ATR: variants seen among roughly 807,000 people sequenced by gnomAD.
The protein encoded by ATR is ATR checkpoint kinase, also known as serine/threonine-protein kinase ATR.
A neutral mutation model predicts 305.3 loss-of-function variants in ATR; 142 were observed. The ratio of observed to expected loss-of-function variants is 0.47; its 90% confidence interval spans 0.41 to 0.53. The LOEUF (loss-of-function observed/expected upper bound fraction) is 0.53, where lower values mean the gene tolerates loss of function less well. Ranked by LOEUF, ATR falls within the 20% of genes least tolerant of loss-of-function variation. ATR has a pLI of 0.00. For synonymous variants in ATR, 1,050 were observed against 1,068.1 expected, an observed-to-expected ratio of 0.98 and a Z score of 0.33; for missense variants, 2,135 against 3,133.1, an observed-to-expected ratio of 0.68 and a Z score of 7.60.
At chr3:142,559,837 A>G (rs1010260139) in intron 6 of ATR, among the ~76,000 whole-genome samples, 2 of 152,238 alleles carry the variant, frequency 1.3e-5, no homozygotes, top group African/African-American at 4.8e-5. Flanking sequence ...TCAAGGCTGT[A>G]GTGAGCCATG....
intron 45 of ATR, 95 bp downstream of exon 45, chr3:142,457,509 T>C: frequency 6.8e-7 from 1 of 1,460,222 alleles, no homozygotes; most frequent in Non-Finnish European, 9.5e-7. Flanking sequence ...TTTCAGTCAG[T>C]ACAAAGTGGT....
chr3:142,511,626 A>G (rs1385578386), intron 27 of ATR, among the ~76,000 whole-genome samples: 3 of 152,100 alleles, frequency 2.0e-5, no homozygotes, highest in Non-Finnish European at 4.4e-5. Context: ...ACTGCACTCC[A>G]GCCTGGGCAA....
intron 1 of ATR, among the ~76,000 whole-genome samples, chr3:142,573,087 ACTTG>A (rs1237380039): frequency 6.6e-6 from 1 of 152,174 alleles, no homozygotes; most frequent in Non-Finnish European, 1.5e-5. Flanking sequence ...ATCACCTAGA[ACTTG>A]CTTAATAGAA....
intron 35 of ATR, among the ~76,000 whole-genome samples, chr3:142,489,563 G>A (rs1024181200): frequency 3.3e-5 from 5 of 152,122 alleles, no homozygotes; most frequent in Admixed American, 3.3e-4. Context: ...AATCATATAA[G>A]CATATAGTCT....
chr3:142,560,207 TA>T lies in ATR; in HGVS notation c.1541+55del. On this transcript the variant is annotated intron_variant, in intron 6 of 46. Coordinates refer to ENST00000350721, the MANE Select transcript of ATR (RefSeq NM_001184.4). ...AGTCAAGTGAATAATGAGTAAACAGTAAATCCAAGTTCATTACAGGAAACCC... is the reference window on the plus strand; with the variant it reads ...AGTCAAGTGAATAATGAGTAAACAGTAATCCAAGTTCATTACAGGAAACCC... 5 of 1,528,428 alleles carry T rather than the reference TA, an allele frequency of 3.3e-6. No homozygotes were observed. In the South Asian group the frequency reaches 5.6e-5, roughly 17 times the overall value. The allele number at this position is 1,528,428 out of a possible 1,614,324, so 94.7% of individuals were successfully genotyped here.
intron 1 of ATR, 69 bp downstream of exon 1, chr3:142,578,577 G>T (rs373181173): frequency 6.6e-7 from 1 of 1,522,686 alleles, no homozygotes; most frequent in Non-Finnish European, 9.0e-7. Context: ...CAGGGGAGGG[G>T]AGAGCACGTG....
chr3:142,573,555 G>T (rs988077657), intron 1 of ATR, among the ~76,000 whole-genome samples: 1 of 141,098 alleles, frequency 7.1e-6, no homozygotes, highest in Non-Finnish European at 1.5e-5. Context: ...GCATATGAAA[G>T]CAAAACAACT....
At chr3:142,451,810 T>C in intron 46 of ATR, 1 of 1,267,926 alleles carries the variant, frequency 7.9e-7, no homozygotes, top group South Asian at 1.4e-5. Context: ...GATATGTATA[T>C]AGCTTGAGTG....
At chr3:142,480,874 G>C (rs566164559) in intron 36 of ATR, among the ~76,000 whole-genome samples, 2 of 152,372 alleles carry the variant, frequency 1.3e-5, no homozygotes, top group East Asian at 3.9e-4. Flanking sequence ...GTGGGCATGG[G>C]ACCTTCAGAG....
intron 41 of ATR, among the ~76,000 whole-genome samples, chr3:142,464,077 C>A (rs1326345095): frequency 6.6e-6 from 1 of 152,060 alleles, no homozygotes; most frequent in Non-Finnish European, 1.5e-5. Flanking sequence ...AGATAGAAAT[C>A]AAATACCAAC....
intron 16 of ATR, among the ~76,000 whole-genome samples, chr3:142,546,997 A>G (rs1257237825): frequency 1.3e-5 from 2 of 152,224 alleles, no homozygotes; most frequent in Non-Finnish European, 2.9e-5. Context: ...GCTCAAGGTC[A>G]TCACCAAAGT....
intron 21 of ATR, among the ~76,000 whole-genome samples, chr3:142,525,780 C>G (rs2033366116): frequency 6.6e-6 from 1 of 152,152 alleles, no homozygotes; most frequent in South Asian, 2.1e-4. Context: ...TTCTTGCTCC[C>G]TCTCTCACCA....
chr3:142,506,962 A>G (rs747706452), intron 28 of ATR, among the ~76,000 whole-genome samples: 11 of 152,222 alleles, frequency 7.2e-5, no homozygotes, highest in Non-Finnish European at 1.3e-4. Flanking sequence ...CCCACTGTGT[A>G]ATTTTTCTCC....
intron 21 of ATR, among the ~76,000 whole-genome samples, chr3:142,532,017 C>A (rs2033671677): frequency 6.6e-6 from 1 of 152,134 alleles, no homozygotes; most frequent in Non-Finnish European, 1.5e-5. Flanking sequence ...TGAGGATGAG[C>A]ATTTTTTCAT....
chr3:142,559,662 G>A (rs2034806458), intron 6 of ATR, among the ~76,000 whole-genome samples: 1 of 152,158 alleles, frequency 6.6e-6, no homozygotes, highest in African/African-American at 2.4e-5. Flanking sequence ...AAATGACTTT[G>A]GGAGCCTGAG....
At chr3:142,570,374 C>T (rs189984178) in intron 1 of ATR, among the ~76,000 whole-genome samples, 8 of 152,058 alleles carry the variant, frequency 5.3e-5, no homozygotes, top group Admixed American at 5.2e-4. Context: ...CCTCTATGTT[C>T]CCTTATTTTT....
intron 9 of ATR, 66 bp downstream of exon 9, chr3:142,556,317 A>G: frequency 1.3e-6 from 2 of 1,545,170 alleles, no homozygotes; most frequent in South Asian, 1.1e-5. Flanking sequence ...AACCCTGCAT[A>G]CATAGCCAGA....
intron 27 of ATR, among the ~76,000 whole-genome samples, chr3:142,508,544 T>C (rs1477912990): frequency 6.6e-6 from 1 of 152,186 alleles, no homozygotes; most frequent in Non-Finnish European, 1.5e-5. Flanking sequence ...ACTATGGAAA[T>C]AATCTTTTTT....
chr3:142,492,212 T>G (rs1226326120), intron 35 of ATR, among the ~76,000 whole-genome samples: 1 of 152,176 alleles, frequency 6.6e-6, no homozygotes, highest in Non-Finnish European at 1.5e-5. Context: ...GTGGCCCTTT[T>G]AAGGTCTTTA....
Sources: gnomAD v4.1 joint callset for allele counts (sites outside exome capture counted in the v4.1 genomes callset) on GRCh38, gnomAD v4.1.1 for gene constraint, MANE v1.5 for transcripts, NCBI Gene and HGNC (gene_info 2026-07-23, HGNC 2026-07-21) for gene names.